The following MTSS1 variants were observed in gnomAD, a reference collection of about 807,000 sequenced individuals.
MTSS1 encodes the protein protein MTSS 1.
In MTSS1, 18 loss-of-function variants were observed where a neutral mutation model predicts 79.0. That is an observed-to-expected ratio of 0.23 (90% confidence interval 0.16 to 0.34). The LOEUF (loss-of-function observed/expected upper bound fraction) is 0.34. Among genes scored for constraint, MTSS1 ranks in the 10% least tolerant of loss-of-function variants. The pLI is 1.00. For synonymous variants in MTSS1, 341 were observed against 368.6 expected, an observed-to-expected ratio of 0.93 and a Z score of 0.86; for missense variants, 815 against 986.2, an observed-to-expected ratio of 0.83 and a Z score of 2.33.
chr8:124,566,433 C>T (rs1285551178), intron 8 of MTSS1, among the ~76,000 whole-genome samples: 1 of 152,160 alleles, frequency 6.6e-6, no homozygotes, highest in Non-Finnish European at 1.5e-5. Flanking sequence ...CCCTCTGAGC[C>T]AGCTCTCCAA....
At chr8:124,631,889 C>T (rs1816027207) in intron 3 of MTSS1, among the ~76,000 whole-genome samples, 1 of 152,214 alleles carries the variant, frequency 6.6e-6, no homozygotes, top group Non-Finnish European at 1.5e-5. Context: ...TCCACTGCAG[C>T]TACTGGAATA....
In MTSS1 at chr8:124,561,651, C is replaced by T. The variant is rs998569147; in HGVS notation, c.1035+1131G>A. On this transcript the variant is annotated intron_variant, in intron 10 of 13. Coordinates refer to ENST00000518547, the MANE Select transcript of MTSS1 (RefSeq NM_014751.6). ...AGTGCACACTACTATGTTAATTTGT[C>T]AATTAAACACACACACACAATTATG... 6.6e-5 allele frequency among the ~76,000 whole-genome samples: 10 copies of T among 152,210 alleles called. No individual in the cohort carries two copies. In the East Asian group the frequency reaches 1.9e-3, roughly 29 times the overall value.
At chr8:124,650,144 C>T (rs961602412) in intron 3 of MTSS1, among the ~76,000 whole-genome samples, 9 of 152,032 alleles carry the variant, frequency 5.9e-5, no homozygotes, top group Admixed American at 1.3e-4. Context: ...AATTCTCCTG[C>T]CTCAGCCTCC....
intron 3 of MTSS1, among the ~76,000 whole-genome samples, chr8:124,598,702 A>G (rs558189372): frequency 6.6e-6 from 1 of 152,312 alleles, no homozygotes; most frequent in African/African-American, 2.4e-5. Context: ...ATTTGAAAAC[A>G]CACAACTGAC....
At chr8:124,648,807 C>T (rs1266059393) in intron 3 of MTSS1, among the ~76,000 whole-genome samples, 1 of 152,040 alleles carries the variant, frequency 6.6e-6, no homozygotes, top group Non-Finnish European at 1.5e-5. Flanking sequence ...ATGGACACCA[C>T]AAGGCCATCA....
chr8:124,676,091 T>C (rs1306280149), intron 3 of MTSS1, among the ~76,000 whole-genome samples: 1 of 152,160 alleles, frequency 6.6e-6, no homozygotes, highest in Non-Finnish European at 1.5e-5. Context: ...ACCCCACTTT[T>C]ATAATAAGAA....
At chr8:124,586,682 G>A (rs982599082) in intron 5 of MTSS1, among the ~76,000 whole-genome samples, 2 of 152,190 alleles carry the variant, frequency 1.3e-5, no homozygotes, top group African/African-American at 4.8e-5. Flanking sequence ...CTGTGTCACC[G>A]AGGCTGGGGG....
intron 3 of MTSS1, among the ~76,000 whole-genome samples, chr8:124,676,558 G>A (rs562791888): frequency 6.6e-6 from 1 of 152,212 alleles, no homozygotes; most frequent in African/African-American, 2.4e-5. Flanking sequence ...ATGAAAGAAC[G>A]TGCTCAAATC....
Position 124,698,505 on chromosome 8 carries a change from T to C in MTSS1, c.208+1021A>G, listed in dbSNP as rs748415402. Among the ~76,000 whole-genome samples the C allele has an allele frequency of 2.7e-5, 4 of 146,804 alleles. No individual in the cohort carries two copies. In the South Asian group the frequency reaches 8.5e-4, roughly 31 times the overall value. ...CTGGTAATGTTGCATGTGTTGCTTTTCTTTTTTTTTTTTTTTTTTTTGAGA... is the reference window on the plus strand; with the variant it reads ...CTGGTAATGTTGCATGTGTTGCTTTCCTTTTTTTTTTTTTTTTTTTTGAGA... On this transcript the variant is annotated intron_variant, in intron 3 of 13. Coordinates refer to ENST00000518547, the MANE Select transcript of MTSS1 (RefSeq NM_014751.6).
intron 3 of MTSS1, among the ~76,000 whole-genome samples, chr8:124,667,915 A>T (rs1268597835): frequency 1.4e-5 from 2 of 143,070 alleles, no homozygotes; most frequent in African/African-American, 3.0e-5. Flanking sequence ...CTTTCTCTAT[A>T]AAAAAAAATT....
intron 11 of MTSS1, 200 bp from the exon 12 acceptor site, chr8:124,556,605 A>C: frequency 1.6e-6 from 1 of 608,566 alleles, no homozygotes; most frequent in East Asian, 2.9e-5. Context: ...CCCCCTGTGT[A>C]CCTCCCTTTT....
chr8:124,579,606 A>G (rs556473033), intron 6 of MTSS1: 15 of 152,362 alleles, frequency 9.8e-5, no homozygotes, highest in African/African-American at 2.6e-4. Context: ...AAGCTGTTTC[A>G]TAATCACAAT....
intron 3 of MTSS1, among the ~76,000 whole-genome samples, chr8:124,596,152 G>A (rs1000752056): frequency 6.6e-6 from 1 of 152,142 alleles, no homozygotes; most frequent in African/African-American, 2.4e-5. Context: ...CTCTTCCTCT[G>A]GGCCTGGCAC....
rs536544689 is a variant in MTSS1, at chr8:124,621,521, A to T, written c.209-30286T>A. Among the ~76,000 whole-genome samples the T allele has an allele frequency of 8.4e-4, 128 of 152,104 alleles. 1 individual carries two copies. The highest frequency in any genetic ancestry group is 6.8e-3 in the Middle Eastern group (2 of 292). On this transcript the variant is annotated intron_variant, in intron 3 of 13. Coordinates refer to ENST00000518547, the MANE Select transcript of MTSS1 (RefSeq NM_014751.6). ...ATATAGAAGCACCAGGCTTGATGTGATGGAAGGGTTCCTATCACTTTCTGT... is the reference window on the plus strand; with the variant it reads ...ATATAGAAGCACCAGGCTTGATGTGTTGGAAGGGTTCCTATCACTTTCTGT...
intron 3 of MTSS1, among the ~76,000 whole-genome samples, chr8:124,632,143 G>C (rs1173483331): frequency 6.6e-6 from 1 of 150,978 alleles, no homozygotes; most frequent in African/African-American, 2.4e-5. Context: ...GCCAGGTGTG[G>C]TGGTGCATGC....
chr8:124,565,606 A>G, intron 9 of MTSS1, 56 bp downstream of exon 9: 1 of 1,473,514 alleles, frequency 6.8e-7, no homozygotes, highest in Non-Finnish European at 9.5e-7. Context: ...TGCTCACATT[A>G]GCATAAAGAA....
intron 10 of MTSS1, among the ~76,000 whole-genome samples, chr8:124,560,374 A>T (rs1219034568): frequency 6.6e-6 from 1 of 152,194 alleles, no homozygotes; most frequent in Non-Finnish European, 1.5e-5. Flanking sequence ...TAAAAAATGT[A>T]AAAGAGGAAA....
At chr8:124,628,376 A>T (rs1461526164) in intron 3 of MTSS1, among the ~76,000 whole-genome samples, 1 of 151,988 alleles carries the variant, frequency 6.6e-6, no homozygotes, top group African/African-American at 2.4e-5. Flanking sequence ...TTCCAATTAA[A>T]CCACCGCCAC....
chr8:124,632,014 T>G lies in MTSS1; in HGVS notation c.209-40779A>C, dbSNP rs149372034. 7.3e-3 allele frequency among the ~76,000 whole-genome samples: 1,113 copies of G among 152,324 alleles called. 9 individuals are homozygous for G. The highest frequency in any genetic ancestry group is 0.011 in the Non-Finnish European group (782 of 68,038). On this transcript the variant is annotated intron_variant, in intron 3 of 13. Transcript: ENST00000518547. ...AGGAGCATCCGGGTGCAGTGGCTCA[T>G]TCCTGTAAGCCCAACACTTTGGGAG...
Sources: gnomAD v4.1 joint callset for allele counts (sites outside exome capture counted in the v4.1 genomes callset) on GRCh38, gnomAD v4.1.1 for gene constraint, MANE v1.5 for transcripts, NCBI Gene and HGNC (gene_info 2026-07-23, HGNC 2026-07-21) for gene names.